The following ADAM22 variants were observed in gnomAD, a reference collection of about 807,000 sequenced individuals.
The protein encoded by ADAM22 is disintegrin and metalloproteinase domain-containing protein 22.
A neutral mutation model predicts 144.6 loss-of-function variants in ADAM22; 65 were observed. The observed-to-expected ratio is 0.45, with a 90% CI of 0.37 to 0.55. The LOEUF is 0.55. ADAM22 is among the 20% of genes least tolerant of loss of function. The pLI, the probability that ADAM22 is intolerant of heterozygous loss-of-function variation, is 0.00. For missense variants in ADAM22, 974 were observed against 1,184.9 expected, an observed-to-expected ratio of 0.82 and a Z score of 2.61; for synonymous variants, 391 against 412.6, an observed-to-expected ratio of 0.95 and a Z score of 0.63.
chr7:88,076,693 G>A (rs1368424426), intron 4 of ADAM22, among the ~76,000 whole-genome samples: 5 of 152,132 alleles, frequency 3.3e-5, no homozygotes, highest in Admixed American at 3.3e-4. Flanking sequence ...AGAATGTGGC[G>A]GTTTTCCCCC....
At chr7:88,080,044 A>G (rs1419014203) in intron 4 of ADAM22, among the ~76,000 whole-genome samples, 1 of 152,204 alleles carries the variant, frequency 6.6e-6, no homozygotes, top group African/African-American at 2.4e-5. Flanking sequence ...CAGAATATAC[A>G]TTCTTTTCAG....
chr7:88,184,797 G>T (rs1387419686), intron 29 of ADAM22, among the ~76,000 whole-genome samples: 1 of 152,146 alleles, frequency 6.6e-6, no homozygotes, highest in Non-Finnish European at 1.5e-5. Flanking sequence ...GAACTCTCTG[G>T]TGAAGTGACC....
At chr7:87,980,287 C>CTTTTT (rs71120015) in intron 3 of ADAM22, among the ~76,000 whole-genome samples, 12 of 118,400 alleles carry the variant, frequency 1.0e-4, no homozygotes, top group African/African-American at 2.7e-4. Flanking sequence ...GCACTGTGCT[C>CTTTTT]TTTTTTTTTT....
chr7:88,046,623 G>A (rs1475286596), intron 3 of ADAM22, among the ~76,000 whole-genome samples: 1 of 152,080 alleles, frequency 6.6e-6, no homozygotes, highest in African/African-American at 2.4e-5. Context: ...GGGGGTTATA[G>A]CCAAAACAAT....
At chr7:88,097,929 T>C (rs182810177) in intron 4 of ADAM22, among the ~76,000 whole-genome samples, 1 of 152,254 alleles carries the variant, frequency 6.6e-6, no homozygotes, top group East Asian at 1.9e-4. Context: ...ATATAGTAAT[T>C]ATATATTATG....
intron 3 of ADAM22, among the ~76,000 whole-genome samples, chr7:87,988,466 GC>G (rs1788986087): frequency 6.6e-6 from 1 of 152,132 alleles, no homozygotes; most frequent in Admixed American, 6.6e-5. Flanking sequence ...CACATACTTG[GC>G]CCTCAGGGAT....
chr7:88,058,365 T>A (rs1808848774), intron 3 of ADAM22, among the ~76,000 whole-genome samples: 1 of 152,226 alleles, frequency 6.6e-6, no homozygotes, highest in Non-Finnish European at 1.5e-5. Context: ...TTGTTTCACA[T>A]CTATAAACAT....
intron 27 of ADAM22, among the ~76,000 whole-genome samples, chr7:88,180,495 T>C (rs1846728980): frequency 6.6e-6 from 1 of 152,100 alleles, no homozygotes; most frequent in African/African-American, 2.4e-5. Flanking sequence ...TGAGTTCCAT[T>C]TATTTTCACT....
chr7:88,131,462 A>C (rs1282302475), intron 11 of ADAM22, 27 bp downstream of exon 11: 35 of 1,605,012 alleles, frequency 2.2e-5, no homozygotes, highest in Non-Finnish European at 2.9e-5. Flanking sequence ...ATGATGTATT[A>C]CTTTTTTTGA....
chr7:88,151,424 G>T (rs567029113), intron 20 of ADAM22, 104 bp downstream of exon 20: 1 of 1,312,028 alleles, frequency 7.6e-7, no homozygotes. Context: ...TATGACTGGG[G>T]GATTCTCAAA....
At chr7:88,130,513 C>A in intron 10 of ADAM22, 54 bp downstream of exon 10, 1 of 1,491,412 alleles carries the variant, frequency 6.7e-7, no homozygotes, top group Non-Finnish European at 9.3e-7. Flanking sequence ...TTCCTAATTG[C>A]TAATAGAATG....
At chr7:88,148,126 A>C (rs1374227667) in intron 17 of ADAM22, among the ~76,000 whole-genome samples, 1 of 152,218 alleles carries the variant, frequency 6.6e-6, no homozygotes, top group Non-Finnish European at 1.5e-5. Context: ...ATGCCTGTAG[A>C]GTTCTGAGCA....
At chr7:88,082,844 GC>G (rs1817207200) in intron 4 of ADAM22, among the ~76,000 whole-genome samples, 1 of 152,106 alleles carries the variant, frequency 6.6e-6, no homozygotes, top group South Asian at 2.1e-4. Context: ...AACAACAGGT[GC>G]TGGAGAGGAT....
intron 4 of ADAM22, among the ~76,000 whole-genome samples, chr7:88,104,218 A>G (rs1325376091): frequency 1.3e-5 from 2 of 152,194 alleles, no homozygotes. Flanking sequence ...AAGGATGCCA[A>G]GCTTACCTTA....
At chr7:87,937,888 A>G (rs955361466) in intron 2 of ADAM22, among the ~76,000 whole-genome samples, 1 of 152,232 alleles carries the variant, frequency 6.6e-6, no homozygotes, top group Non-Finnish European at 1.5e-5. Flanking sequence ...GGATATGTGT[A>G]CATAGTAAGG....
intron 2 of ADAM22, among the ~76,000 whole-genome samples, chr7:87,968,608 C>T (rs73393845): frequency 0.023 from 3,482 of 152,042 alleles, 139 homozygotes; most frequent in African/African-American, 0.079. Flanking sequence ...ATAGTCCCAG[C>T]TACTCAGAGG....
At chr7:87,952,321 T>C (rs1418991850) in intron 2 of ADAM22, among the ~76,000 whole-genome samples, 1 of 152,070 alleles carries the variant, frequency 6.6e-6, no homozygotes, top group African/African-American at 2.4e-5. Context: ...GTCCCATCAA[T>C]ACCTAATTTA....
intron 29 of ADAM22, chr7:88,185,717 T>C (rs1425270306): frequency 6.6e-6 from 1 of 152,178 alleles, no homozygotes. Flanking sequence ...AACCAACAAC[T>C]GAAGACCTCC....
chr7:88,118,656 T>C (rs551544654), intron 7 of ADAM22, among the ~76,000 whole-genome samples: 1 of 137,566 alleles, frequency 7.3e-6, no homozygotes, highest in Non-Finnish European at 1.6e-5. Context: ...TCTATCTATC[T>C]ATATATATAT....
Sources: gnomAD v4.1 joint callset for allele counts (sites outside exome capture counted in the v4.1 genomes callset) on GRCh38, gnomAD v4.1.1 for gene constraint, MANE v1.5 for transcripts, NCBI Gene and HGNC (gene_info 2026-07-23, HGNC 2026-07-21) for gene names.